Variants in EYS observed in about 807,000 individuals in gnomAD.
EYS encodes protein eyes shut homolog.
EYS carries 250 observed loss-of-function variants against 282.1 expected under a neutral mutation model. The observed-to-expected ratio is 0.89, with a 90% CI of 0.80 to 0.98. The LOEUF (loss-of-function observed/expected upper bound fraction) is 0.98, where lower values mean the gene tolerates loss of function less well. Among genes scored for constraint, EYS ranks in the 50% least tolerant of loss-of-function variants. The pLI, the probability that EYS is intolerant of heterozygous loss-of-function variation, is 0.00. For missense variants in EYS, 4,016 were observed against 3,709.0 expected (o/e 1.08, Z -2.15); for synonymous variants, 1,355 against 1,282.9 (o/e 1.06, Z -1.20).
At chr6:64,316,902 T>C (rs1382513841) in intron 29 of EYS, among the ~76,000 whole-genome samples, 1 of 151,974 alleles carries the variant, frequency 6.6e-6, no homozygotes. Flanking sequence ...ACCTCAGAAA[T>C]ACCACCACAC....
At chr6:65,037,535 C>G (rs138858406) in intron 13 of EYS, among the ~76,000 whole-genome samples, 1,689 of 151,824 alleles carry the variant, frequency 0.011, 96 homozygotes, top group Admixed American at 0.1. Context: ...ATTTTCTCTT[C>G]CGTATGATTT....
At chr6:64,491,247 C>G (rs987656851) in intron 26 of EYS, among the ~76,000 whole-genome samples, 10 of 150,780 alleles carry the variant, frequency 6.6e-5, no homozygotes, top group African/African-American at 2.4e-4. Context: ...GCACATAAAG[C>G]TTTGTTACCC....
intron 8 of EYS, among the ~76,000 whole-genome samples, chr6:65,378,611 A>G (rs1234046873): frequency 6.6e-6 from 1 of 152,196 alleles, no homozygotes; most frequent in South Asian, 2.1e-4. Context: ...ACTGTTCACA[A>G]TAGCAAAGAC....
At chr6:64,041,150 G>A (rs937988698) in intron 33 of EYS, among the ~76,000 whole-genome samples, 2 of 152,170 alleles carry the variant, frequency 1.3e-5, no homozygotes, top group East Asian at 1.9e-4. Context: ...TCTTTAGATA[G>A]TGGGTGATAG....
At position 64,067,930 on chromosome 6, in the gene EYS, G is replaced by A. The variant is rs534043555; in HGVS notation, c.6572-1439C>T. Among the ~76,000 whole-genome samples the A allele has an allele frequency of 5.9e-5, 9 of 151,468 alleles. No homozygotes were observed. In the South Asian group the frequency reaches 6.2e-4, roughly 11 times the overall value. Reference sequence around the variant, plus strand: ...ATAGACATTTTCCCCCTAGGCTTTCGTTACTGTGAAAAATGCTGCTATGAG... The same window carrying A: ...ATAGACATTTTCCCCCTAGGCTTTCATTACTGTGAAAAATGCTGCTATGAG... On this transcript the variant is annotated intron_variant, in intron 32 of 42. Coordinates refer to ENST00000503581, the MANE Select transcript of EYS (RefSeq NM_001142800.2).
intron 12 of EYS, among the ~76,000 whole-genome samples, chr6:65,140,165 G>A (rs1382298652): frequency 2.0e-5 from 3 of 151,872 alleles, no homozygotes; most frequent in African/African-American, 7.3e-5. Flanking sequence ...AAATTAGAAA[G>A]TCTCAGCAAA....
chr6:64,620,874 G>A (rs1290969153), intron 23 of EYS, among the ~76,000 whole-genome samples: 1 of 152,116 alleles, frequency 6.6e-6, no homozygotes, highest in East Asian at 1.9e-4. Context: ...TTATTATGGT[G>A]TTAAACTAAT....
chr6:64,542,280 A>T (rs1419047708), intron 26 of EYS, among the ~76,000 whole-genome samples: 4 of 152,136 alleles, frequency 2.6e-5, no homozygotes, highest in Admixed American at 6.5e-5. Flanking sequence ...TAATCTATGT[A>T]AACATCATCT....
At chr6:64,702,468 T>C (rs1270808916) in intron 22 of EYS, among the ~76,000 whole-genome samples, 1 of 152,114 alleles carries the variant, frequency 6.6e-6, no homozygotes, top group Admixed American at 6.5e-5. Context: ...ATCTATATGT[T>C]ACATAAATTG....
At chr6:64,821,522 G>A (rs1700572297) in intron 21 of EYS, 123 bp downstream of exon 21, 1 of 522,638 alleles carries the variant, frequency 1.9e-6, no homozygotes, top group African/African-American at 2.0e-5. Context: ...GAGGAAAGAT[G>A]AGAGAACAGT....
intron 12 of EYS, among the ~76,000 whole-genome samples, chr6:65,242,461 C>T (rs974263371): frequency 1.3e-5 from 2 of 151,958 alleles, no homozygotes; most frequent in African/African-American, 4.8e-5. Context: ...TATGTCATTC[C>T]TTTGTATCGC....
chr6:64,958,358 G>T (rs1045084070), intron 14 of EYS, among the ~76,000 whole-genome samples: 22 of 151,930 alleles, frequency 1.4e-4, no homozygotes, highest in Admixed American at 1.1e-3. Flanking sequence ...CTCCAGCCTG[G>T]GTGACAGAGT....
intron 31 of EYS, among the ~76,000 whole-genome samples, chr6:64,135,371 C>A (rs1358263344): frequency 6.6e-6 from 1 of 151,884 alleles, no homozygotes; most frequent in Non-Finnish European, 1.5e-5. Context: ...AAGACAATTG[C>A]ACATATGATC....
intron 26 of EYS, among the ~76,000 whole-genome samples, chr6:64,472,165 T>C (rs913154920): frequency 2.6e-5 from 4 of 152,204 alleles, no homozygotes; most frequent in Admixed American, 6.5e-5. Flanking sequence ...ACAAGTCAAA[T>C]ACAGCTACAA....
intron 35 of EYS, among the ~76,000 whole-genome samples, chr6:63,931,498 T>G (rs1764893446): frequency 1.3e-5 from 2 of 152,244 alleles, no homozygotes. Context: ...AATGTAGTTT[T>G]GCTATAAAAT....
chr6:63,975,159 C>T (rs1189425594), intron 35 of EYS, among the ~76,000 whole-genome samples: 1 of 151,314 alleles, frequency 6.6e-6, no homozygotes, highest in South Asian at 2.1e-4. Context: ...GCTGTTTTAA[C>T]CTAAGCTTGC....
intron 22 of EYS, among the ~76,000 whole-genome samples, chr6:64,801,782 A>C (rs1397858609): frequency 6.6e-6 from 1 of 152,130 alleles, no homozygotes; most frequent in Non-Finnish European, 1.5e-5. Context: ...TATGACATAA[A>C]TTGGCAAGCC....
Position 64,388,687 on chromosome 6 carries a change from T to C in EYS, c.6078+3A>G, listed in dbSNP as rs1400181347. ...TAATATTTTAAAACATCTATAGAAA[T>C]ACCTGGATTTTCCCATGAAGGTCTG... is the stretch of plus-strand genomic sequence containing the variant. On this transcript the variant is annotated splice_donor_region_variant and intron_variant, in intron 29 of 42. Transcript: ENST00000503581. 1 of 1,525,556 alleles carries C rather than the reference T, an allele frequency of 6.6e-7. No individual in the cohort carries two copies. The highest frequency in any genetic ancestry group is 8.8e-7 in the Non-Finnish European group (1 of 1,134,462). 94.5% of individuals were successfully genotyped at this position (1,525,556 alleles called of 1,614,324 possible).
At chr6:63,837,898 G>A (rs1040241818) in intron 36 of EYS, among the ~76,000 whole-genome samples, 2 of 152,178 alleles carry the variant, frequency 1.3e-5, no homozygotes, top group African/African-American at 4.8e-5. Flanking sequence ...TTCCTAGTCA[G>A]AAGAGTTTAT....
Sources: gnomAD v4.1 joint callset for allele counts (sites outside exome capture counted in the v4.1 genomes callset) on GRCh38, gnomAD v4.1.1 for gene constraint, MANE v1.5 for transcripts, NCBI Gene and HGNC (gene_info 2026-07-23, HGNC 2026-07-21) for gene names.